The following PIWIL2 variants were observed in gnomAD, a reference collection of about 807,000 sequenced individuals.
PIWIL2 encodes piwi like RNA-mediated gene silencing 2.
In PIWIL2, 81 loss-of-function variants were observed where a neutral mutation model predicts 116.5. That is an observed-to-expected ratio of 0.70 (90% confidence interval 0.58 to 0.84). The LOEUF is 0.84. PIWIL2 is among the 40% of genes least tolerant of loss of function. The pLI, the probability that PIWIL2 is intolerant of heterozygous loss-of-function variation, is 0.00. For synonymous variants in PIWIL2, 489 were observed against 429.5 expected (o/e 1.14, Z -1.71); for missense variants, 1,272 against 1,212.3 (o/e 1.05, Z -0.73).
chr8:22,327,525 G>A (rs917620032), intron 20 of PIWIL2, among the ~76,000 whole-genome samples: 3 of 150,080 alleles, frequency 2.0e-5, no homozygotes, highest in Admixed American at 1.3e-4. Flanking sequence ...GCACCACCAC[G>A]CCCAGCTAAT....
rs1002582213 is a variant in PIWIL2, at chr8:22,349,444, T to A, written c.2404-3515T>A. 2.7e-5 allele frequency among the ~76,000 whole-genome samples: 4 copies of A among 147,236 alleles called. 1 individual carries two copies. Among genetic ancestry groups the A allele is most frequent in the South Asian group, 2.1e-4 (1 of 4,696 alleles). On this transcript the variant is annotated intron_variant, in intron 20 of 22. Coordinates refer to ENST00000356766, the MANE Select transcript of PIWIL2 (RefSeq NM_018068.5). ...GTATATATATATATATATATATATATAAATTTTACTTTATCCCTTTTAACA... is the reference window on the plus strand; with the variant it reads ...GTATATATATATATATATATATATAAAAATTTTACTTTATCCCTTTTAACA...
At chr8:22,335,543 CTTTTTTT>C (rs59166171) in intron 20 of PIWIL2, among the ~76,000 whole-genome samples, 2 of 92,220 alleles carry the variant, frequency 2.2e-5, no homozygotes, top group Non-Finnish European at 4.3e-5. Context: ...ACAAAATAGA[CTTTTTTT>C]TTTTTTTTTT....
At chr8:22,350,075 A>T (rs1463851291) in intron 20 of PIWIL2, among the ~76,000 whole-genome samples, 5 of 152,326 alleles carry the variant, frequency 3.3e-5, no homozygotes, top group African/African-American at 1.2e-4. Context: ...GAGGCCACGG[A>T]TGATGCTAAA....
At chr8:22,286,458 G>C (rs555444807) in intron 6 of PIWIL2, among the ~76,000 whole-genome samples, 1 of 152,262 alleles carries the variant, frequency 6.6e-6, no homozygotes, top group East Asian at 1.9e-4. Flanking sequence ...CAGGAAACAG[G>C]CTTGTTGTGA....
chr8:22,321,746 C>A, intron 20 of PIWIL2: 1 of 292,632 alleles, frequency 3.4e-6, no homozygotes, highest in Non-Finnish European at 5.1e-6. Context: ...ATGCCTCTCC[C>A]AGAGCTTATC....
At chr8:22,310,992 G>C in intron 15 of PIWIL2, 120 bp from the exon 16 acceptor site, 1 of 833,870 alleles carries the variant, frequency 1.2e-6, no homozygotes, top group South Asian at 1.7e-5. Context: ...ACAGGAGTTA[G>C]ATAAGACAGG....
rs71206515 is a variant in PIWIL2, at chr8:22,349,419, G to GTATATA, written c.2404-3519_2404-3514dup. Among the ~76,000 whole-genome samples, 370 of 134,422 alleles carry GTATATA rather than the reference G, an allele frequency of 2.8e-3. 2 individuals are homozygous for GTATATA. The highest frequency in any genetic ancestry group is 6.7e-3 in the African/African-American group (246 of 36,672). 88.2% of individuals were successfully genotyped at this position (134,422 alleles called of 152,430 possible). A position where few individuals can be genotyped will look rare whatever the true frequency, so the allele number is the denominator to read the frequency against. ...TTTTGTGTACAATATATGTGTGTGT[G>GTATATA]TATATATATATATATATATATATAT... On this transcript the variant is annotated intron_variant, in intron 20 of 22. Transcript: ENST00000356766.
chr8:22,344,272 T>C (rs1017645860), intron 20 of PIWIL2, among the ~76,000 whole-genome samples: 3 of 152,188 alleles, frequency 2.0e-5, no homozygotes, highest in Non-Finnish European at 4.4e-5. Flanking sequence ...TGAAACTAGA[T>C]AACATTATGC....
intron 2 of PIWIL2, 76 bp from the exon 3 acceptor site, chr8:22,281,044 A>G: frequency 3.7e-6 from 3 of 813,334 alleles, no homozygotes; most frequent in Non-Finnish European, 6.1e-6. Flanking sequence ...ATTTTATTAT[A>G]TACCAAGACT....
At chr8:22,327,078 C>T (rs1279478275) in intron 20 of PIWIL2, among the ~76,000 whole-genome samples, 13 of 128,738 alleles carry the variant, frequency 1.0e-4, no homozygotes, top group East Asian at 2.5e-4. Context: ...CCCAGGCTGG[C>T]GTGCAGTGAC....
At chr8:22,313,844 G>A (rs755783558) in intron 16 of PIWIL2, among the ~76,000 whole-genome samples, 1 of 152,114 alleles carries the variant, frequency 6.6e-6, no homozygotes, top group Non-Finnish European at 1.5e-5. Flanking sequence ...CATGAATTTG[G>A]CAATAGCTTC....
chr8:22,329,744 T>C (rs539854687), intron 20 of PIWIL2, among the ~76,000 whole-genome samples: 59 of 152,362 alleles, frequency 3.9e-4, no homozygotes, highest in African/African-American at 1.4e-3. Flanking sequence ...TCTCCCACTT[T>C]CTTGGTGCTA....
At chr8:22,307,473 ATTTTTTTTT>A (rs56755716) in intron 13 of PIWIL2, among the ~76,000 whole-genome samples, 14 of 111,252 alleles carry the variant, frequency 1.3e-4, no homozygotes, top group African/African-American at 5.7e-4. Flanking sequence ...TTTATTATTC[ATTTTTTTTT>A]TTTTTTTTTT....
Position 22,353,764 on chromosome 8 carries a change from C to CTTTTTTT in PIWIL2, c.2658-485_2658-479dup, listed in dbSNP as rs760913894. ...CAGGAAGATAAGGGAGTTTCTACCA[C>CTTTTTTT]TTTTTTTTTTTTTTTTTTTTTTTTT... On this transcript the variant is annotated intron_variant, in intron 21 of 22. Transcript: ENST00000356766. Among the ~76,000 whole-genome samples, 631 of 68,336 alleles carry CTTTTTTT rather than the reference C, an allele frequency of 9.2e-3. 140 individuals are homozygous for CTTTTTTT. The highest frequency in any genetic ancestry group is 0.016 in the East Asian group (23 of 1,470). The allele number at this position is 68,336 out of a possible 152,430, so 44.8% of individuals were successfully genotyped here. A position where few individuals can be genotyped will look rare whatever the true frequency, so the allele number is the denominator to read the frequency against.
chr8:22,303,666 C>G (rs10092894), intron 10 of PIWIL2, among the ~76,000 whole-genome samples: 18,490 of 152,170 alleles, frequency 0.12, 3,778 homozygotes, highest in African/African-American at 0.42. Context: ...ATAGCTGGGA[C>G]TACAACTGTG....
intron 20 of PIWIL2, among the ~76,000 whole-genome samples, chr8:22,334,033 G>A (rs1386819802): frequency 6.6e-6 from 1 of 151,376 alleles, no homozygotes; most frequent in Admixed American, 6.6e-5. Flanking sequence ...GAGTGCAGTG[G>A]TAGGATCTCA....
chr8:22,330,221 T>C (rs975965205), intron 20 of PIWIL2, among the ~76,000 whole-genome samples: 8 of 152,174 alleles, frequency 5.3e-5, no homozygotes, highest in Non-Finnish European at 7.3e-5. Flanking sequence ...TCAAATCTGC[T>C]GTTAAGCACC....
chr8:22,282,500 T>C (rs542298039), intron 4 of PIWIL2, among the ~76,000 whole-genome samples: 1 of 152,120 alleles, frequency 6.6e-6, no homozygotes, highest in Admixed American at 6.5e-5. Context: ...GGTGATTCTT[T>C]AATAACGTTG....
rs540467150 is a variant in PIWIL2 at position 22,294,689 on chromosome 8, T to C, written c.1181+4343T>C. Reference sequence around the variant, plus strand: ...AAAAAGAAAAACATCAGTTGGCATTTTGATGGTCATTGACTAGGGAGACTG... The same window carrying C: ...AAAAAGAAAAACATCAGTTGGCATTCTGATGGTCATTGACTAGGGAGACTG... On this transcript the variant is annotated intron_variant, in intron 10 of 22. Coordinates refer to ENST00000356766, the MANE Select transcript of PIWIL2 (RefSeq NM_018068.5). Among the ~76,000 whole-genome samples, 5 of 150,284 alleles carry C rather than the reference T, an allele frequency of 3.3e-5. No homozygotes were observed. The South Asian group carries it at 1.1e-3, about 32-fold the overall frequency.
Sources: gnomAD v4.1 joint callset for allele counts (sites outside exome capture counted in the v4.1 genomes callset) on GRCh38, gnomAD v4.1.1 for gene constraint, MANE v1.5 for transcripts, NCBI Gene and HGNC (gene_info 2026-07-23, HGNC 2026-07-21) for gene names.